The following AUP1 variants were observed in gnomAD, a reference collection of about 807,000 sequenced individuals.
AUP1 encodes the protein AUP1 lipid droplet regulating VLDL assembly factor, also known as lipid droplet-regulating VLDL assembly factor AUP1.
Under a neutral mutation model 51.8 loss-of-function variants are expected in AUP1, and 30 were observed. The observed-to-expected ratio is 0.58, with a 90% CI of 0.43 to 0.79. The LOEUF is 0.79. AUP1 is among the 30% of genes least tolerant of loss of function. The pLI is 0.00. For synonymous variants in AUP1, 227 were observed against 209.0 expected, an observed-to-expected ratio of 1.09 and a Z score of -0.74; for missense variants, 492 against 517.1, an observed-to-expected ratio of 0.95 and a Z score of 0.47.
Position 74,527,931 on chromosome 2 carries a change from C to A in AUP1, c.738+9G>T. The A allele has an allele frequency of 6.2e-7, 1 of 1,614,164 alleles. No individual in the cohort carries two copies. Among genetic ancestry groups the A allele is most frequent in the East Asian group, 2.2e-5 (1 of 44,890 alleles). On this transcript the variant is annotated intron_variant, in intron 7 of 11. Coordinates refer to ENST00000377526, the MANE Select transcript of AUP1 (RefSeq NM_181575.5). ...ACCCCGCCTCCACCCTGTCTGTGCA[C>A]CCGACCACCTGTTGTACACGGAGTG...
In AUP1 at chr2:74,527,465, C is replaced by T; in HGVS notation, c.961+6G>A. 6.2e-7 allele frequency: 1 copy of T among 1,611,948 alleles called. No homozygotes were observed. The highest frequency in any genetic ancestry group is 8.5e-7 in the Non-Finnish European group (1 of 1,179,018). ...TCTCCCAGTGTGGGGCCACCCTTTC[C>T]CATACCCAGGTCTCTCTGGATGACA... is the stretch of plus-strand genomic sequence containing the variant. On this transcript the variant is annotated splice_donor_region_variant and intron_variant, in intron 9 of 11. Transcript: ENST00000377526.
At chr2:74,527,153 C>A (rs775108270) in intron 10 of AUP1, 94 bp from the exon 11 acceptor site, 2 of 1,605,766 alleles carry the variant, frequency 1.2e-6, no homozygotes, top group Non-Finnish European at 8.5e-7. Flanking sequence ...ATGCTAGGGT[C>A]TCAGGATCAA....
rs752108501 is a variant in AUP1, at chr2:74,528,854, A to T, written c.421T>A (p.Ser141Thr). The change falls in exon 4 of 12, where the codon TCA becomes ACA. Residue 141 changes from serine (S) to threonine (T), a missense_variant. Transcript: ENST00000377526. ...EMNGRGELVE[S>T]LKRFCASTRL... ...GTGGAAGCACAGAATCTCTTGAGTG[A>T]CTCCACCAACTCCCCCCGCCCATTC... The T allele has an allele frequency of 6.2e-7, 1 of 1,613,642 alleles. No individual in the cohort carries two copies.
In AUP1 at chr2:74,529,183, A is replaced by G; in HGVS notation, c.288T>C (p.His96=). 2 of 1,614,198 alleles carry G rather than the reference A, an allele frequency of 1.2e-6. No individual in the cohort carries two copies. The highest frequency in any genetic ancestry group is 1.1e-5 in the South Asian group (1 of 91,088). ...DHSVRVLISN[H]VTPFDHNIVN... is the part of the protein sequence containing the mutation. Reference sequence around the variant, plus strand: ...CTATGTTGTGGTCGAAAGGTGTCACATGGTTGGAAATGAGGACCCTGACAC... The same window carrying G: ...CTATGTTGTGGTCGAAAGGTGTCACGTGGTTGGAAATGAGGACCCTGACAC... Residue 96 remains histidine (H), a synonymous_variant, in exon 3 of 12, where the codon CAT becomes CAC. Coordinates refer to ENST00000377526, the MANE Select transcript of AUP1 (RefSeq NM_181575.5).
In AUP1 at chr2:74,526,823, T is replaced by G. The variant is rs1332655700; in HGVS notation, c.1210A>C (p.Arg404=). 3 of 1,552,462 alleles carry G rather than the reference T, an allele frequency of 1.9e-6. No homozygotes were observed. In the East Asian group the frequency reaches 6.8e-5, roughly 35 times the overall value. The change falls in exon 12 of 12, where the codon AGA becomes CGA. Residue 404 remains arginine, a synonymous_variant. Transcript: ENST00000377526. ...GCTCAGTCAGCCTCCTGGGCTCGTC[T>G]CTCTGTGAATCTCCTGTGGGACATA... ...YEYARRRFTE[R]RAQEAD
chr2:74,528,195 T>G (rs1675290988), intron 6 of AUP1, 53 bp downstream of exon 6: 1 of 1,564,796 alleles, frequency 6.4e-7, no homozygotes, highest in African/African-American at 1.4e-5. Flanking sequence ...ACTAATTCCT[T>G]GACCTTGAGG....
At position 74,527,810 on chromosome 2, in the gene AUP1, C is replaced by T. The variant is rs1675266307; in HGVS notation, c.767G>A (p.Gly256Glu). ...TTTGTCAGCTGGAGTGAGCCGTGTC[C>T]CTGTCTGGCCCAATTCCTTGGCCAC... The part of the protein sequence containing the change: ...QLVAKELGQT[G>E]TRLTPADKAE... Residue 256 changes from glycine (G) to glutamate (E), a missense_variant, in exon 8 of 12, where the codon GGG (glycine) becomes GAG (glutamate). Physicochemically the swap from Gly to Glu is moderately conservative, Grantham distance 98. Transcript: ENST00000377526. 1.2e-6 allele frequency: 2 copies of T among 1,614,048 alleles called. No individual in the cohort carries two copies. The highest frequency in any genetic ancestry group is 1.7e-6 in the Non-Finnish European group (2 of 1,180,004).
Position 74,529,353 on chromosome 2 carries a change from C to T in AUP1, c.188+9G>A. The T allele has an allele frequency of 6.2e-7, 1 of 1,612,504 alleles. No individual in the cohort carries two copies. The highest frequency in any genetic ancestry group is 2.2e-5 in the East Asian group (1 of 44,834). Reference sequence around the variant, plus strand: ...AGCTCTGACACTCCCCGAACGCCCGCGTCGGAACCTGCGAAGGACGCTGTC... The same window carrying T: ...AGCTCTGACACTCCCCGAACGCCCGTGTCGGAACCTGCGAAGGACGCTGTC... On this transcript the variant is annotated intron_variant, in intron 2 of 11. Coordinates refer to ENST00000377526, the MANE Select transcript of AUP1 (RefSeq NM_181575.5).
intron 6 of AUP1, 79 bp from the exon 7 acceptor site, chr2:74,528,085 T>G: frequency 6.5e-7 from 1 of 1,547,088 alleles, no homozygotes; most frequent in South Asian, 1.1e-5. Context: ...GGTACCTCTT[T>G]GCATGGTGGG....
In AUP1 at chr2:74,526,704, T is replaced by C; in HGVS notation, c.*96A>G. 2 of 1,410,106 alleles carry C rather than the reference T, an allele frequency of 1.4e-6. No individual in the cohort carries two copies. Among genetic ancestry groups the C allele is most frequent in the Non-Finnish European group, 1.9e-6 (2 of 1,045,766 alleles). The allele number at this position is 1,410,106 out of a possible 1,614,324, so 87.3% of individuals were successfully genotyped here. On this transcript the variant is annotated 3_prime_UTR_variant, in exon 12 of 12. Transcript: ENST00000377526. ...ACATTGGGGGAGCCTCATCCTTCCC[T>C]TTTTACCACCCACCCATCCAGCCTG... is the stretch of plus-strand genomic sequence containing the variant.
rs761712133 is a variant in AUP1 at position 74,529,214 on chromosome 2, T to G, written c.257A>C (p.Asp86Ala). The change falls in exon 3 of 12, where the codon GAT (aspartate) becomes GCT (alanine). Residue 86 changes from aspartate to alanine, a missense_variant. Physicochemically the swap from Asp to Ala is moderately radical, Grantham distance 126 (BLOSUM62 -2). Coordinates refer to ENST00000377526, the MANE Select transcript of AUP1 (RefSeq NM_181575.5). ...VARQEDSGLR[D>A]HSVRVLISNH... ...GGAAATGAGGACCCTGACACTGTGA[T>G]CCCGGAGTCCGGAGTCCTCCTGCCG... 1.2e-6 allele frequency: 2 copies of G among 1,614,152 alleles called. No homozygotes were observed. Among genetic ancestry groups the G allele is most frequent in the Non-Finnish European group, 1.7e-6 (2 of 1,180,012 alleles).
In AUP1 at chr2:74,527,055, G is replaced by T; in HGVS notation, c.1082C>A (p.Pro361His). 6.2e-7 allele frequency: 1 copy of T among 1,614,160 alleles called. No homozygotes were observed. The highest frequency in any genetic ancestry group is 8.5e-7 in the Non-Finnish European group (1 of 1,180,032). Residue 361 changes from proline (P) to histidine (H), a missense_variant, in exon 11 of 12, where the codon CCC becomes CAC. Transcript: ENST00000377526. ...CTGAGGGGTCACCGGGCCAGAGCTGGGAAACTGAGGTGATCACAATGTCAG... is the reference window on the plus strand; with the variant it reads ...CTGAGGGGTCACCGGGCCAGAGCTGTGAAACTGAGGTGATCACAATGTCAG... ...SLPTASASKF[P>H]SSGPVTPQPT...
intron 6 of AUP1, 93 bp from the exon 7 acceptor site, chr2:74,528,099 G>C: frequency 2.0e-6 from 3 of 1,517,800 alleles, no homozygotes; most frequent in Non-Finnish European, 2.7e-6. Context: ...TGGTGGGTGG[G>C]AAAATAGTAA....
At position 74,529,405 on chromosome 2, in the gene AUP1, C is replaced by G. The variant is rs377186972; in HGVS notation, c.145G>C (p.Val49Leu). 6.2e-7 allele frequency: 1 copy of G among 1,600,074 alleles called. No individual in the cohort carries two copies. The highest frequency in any genetic ancestry group is 8.5e-7 in the Non-Finnish European group (1 of 1,173,084). ...LVLRLFLGIH[V>L]FLVSCALPDS... ...GGCAGCGCGCAGCTGACCAGGAAGACGTGGATCCCGAGAAAGAGGCGCAGG... is the reference window on the plus strand; with the variant it reads ...GGCAGCGCGCAGCTGACCAGGAAGAGGTGGATCCCGAGAAAGAGGCGCAGG... The change falls in exon 2 of 12, where the codon GTC (valine) becomes CTC (leucine). Residue 49 changes from valine to leucine, a missense_variant. Physicochemically the swap from Val to Leu is conservative, Grantham distance 32. Transcript: ENST00000377526.
At position 74,526,954 on chromosome 2, in the gene AUP1, C is replaced by G. The variant is rs1405463478; in HGVS notation, c.1183G>C (p.Glu395Gln). ...TAACCCCCTCACCTTCTTGCGTATT[C>G]ATATAGTGCTTGCTTGCGCTCCTGC... ...SLQERKQALY[E>Q]YARRRFTERR... The change falls in exon 11 of 12, where the codon GAA becomes CAA. Residue 395 changes from glutamate to glutamine, a missense_variant. By Grantham distance (29) the Glu-to-Gln change is conservative. Coordinates refer to ENST00000377526, the MANE Select transcript of AUP1 (RefSeq NM_181575.5). 1.2e-6 allele frequency: 2 copies of G among 1,614,136 alleles called. No individual in the cohort carries two copies. The highest frequency in any genetic ancestry group is 2.7e-5 in the African/African-American group (2 of 75,062).
intron 7 of AUP1, 27 bp from the exon 8 acceptor site, chr2:74,527,865 G>A: frequency 1.2e-6 from 2 of 1,613,734 alleles, no homozygotes; most frequent in Non-Finnish European, 1.7e-6. Context: ...GACTGGAAGT[G>A]TCAAGATCTC....
rs1464687464 is a variant in AUP1 at position 74,527,503 on chromosome 2, T to A, written c.929A>T (p.His310Leu). 6.2e-7 allele frequency: 1 copy of A among 1,613,838 alleles called. No homozygotes were observed. The highest frequency in any genetic ancestry group is 2.2e-5 in the East Asian group (1 of 44,880). ...LAQRVKEVLP[H>L]VPLGVIQRDL... ...TCTCTGGATGACACCCAATGGCACA[T>A]GGGGCAAAACTTCCTTGACTCTCTG... The change falls in exon 9 of 12, where the codon CAT becomes CTT. Residue 310 changes from histidine (H) to leucine (L), a missense_variant. By Grantham distance (99) the His-to-Leu change is moderately conservative. Transcript: ENST00000377526.
chr2:74,527,997 A>T lies in AUP1; in HGVS notation c.681T>A (p.Arg227=), dbSNP rs1264132335. ...PFTVYQVRWL[R]PVHRQLGEAN... is the part of the protein sequence containing the mutation. ...CTTCCCCTAGTTGGCGATGAACAGG[A>T]CGAAGCCACCTGCAAAGAAACAATC... The change falls in exon 7 of 12, where the codon CGT becomes CGA. Residue 227 remains arginine (R), a synonymous_variant. Transcript: ENST00000377526. The T allele has an allele frequency of 6.2e-7, 1 of 1,614,222 alleles. No homozygotes were observed. Among genetic ancestry groups the T allele is most frequent in the African/African-American group, 1.3e-5 (1 of 75,064 alleles).
chr2:74,529,175 G>A lies in AUP1; in HGVS notation c.296C>T (p.Pro99Leu), dbSNP rs1410379029. ...CAAATTGACTATGTTGTGGTCGAAA[G>A]GTGTCACATGGTTGGAAATGAGGAC... ...VRVLISNHVT[P>L]FDHNIVNLLT... Residue 99 changes from proline (P) to leucine (L), a missense_variant, in exon 3 of 12, where the codon CCT becomes CTT. Physicochemically the swap from Pro to Leu is moderately conservative, Grantham distance 98. Transcript: ENST00000377526. 4.3e-6 allele frequency: 7 copies of A among 1,614,098 alleles called. No individual in the cohort carries two copies. The highest frequency in any genetic ancestry group is 4.0e-5 in the African/African-American group (3 of 74,940).
Sources: allele counts gnomAD v4.1 joint callset, GRCh38; gene constraint gnomAD v4.1.1; transcripts MANE v1.5; gene names NCBI Gene and HGNC (gene_info 2026-07-23, HGNC 2026-07-21).